The following ZSCAN25 variants were observed in gnomAD, a reference collection of about 807,000 sequenced individuals.
ZSCAN25 encodes the protein zinc finger and SCAN domain containing 25, also known as zinc finger and SCAN domain-containing protein 25.
In ZSCAN25, 27 loss-of-function variants were observed where a neutral mutation model predicts 38.7. The ratio of observed to expected loss-of-function variants is 0.70; its 90% CI spans 0.51 to 0.96. ZSCAN25 has a LOEUF of 0.96. Ranked by LOEUF, ZSCAN25 falls within the 40% of genes least tolerant of loss-of-function variation. The pLI, the probability that ZSCAN25 is intolerant of heterozygous loss-of-function variation, is 0.00. For synonymous variants in ZSCAN25, 273 were observed against 277.7 expected (o/e 0.98, Z 0.17); for missense variants, 637 against 705.9 (o/e 0.90, Z 1.11).
chr7:99,718,287 C>T, the ZSCAN25 span, among the ~76,000 whole-genome samples: 15 of 152,112 alleles, frequency 9.9e-5, no homozygotes, highest in Non-Finnish European at 1.6e-4. Flanking sequence ...GTAGGTAATA[C>T]TTTTAAAACT....
the ZSCAN25 span, among the ~76,000 whole-genome samples, chr7:99,736,046 GA>G: frequency 6.6e-6 from 1 of 152,206 alleles, no homozygotes; most frequent in South Asian, 2.1e-4. Context: ...CCCTAAAAAA[GA>G]GACATGGCAT....
chr7:99,732,605 A>G, the ZSCAN25 span, among the ~76,000 whole-genome samples: 1 of 152,148 alleles, frequency 6.6e-6, no homozygotes, highest in Non-Finnish European at 1.5e-5. Flanking sequence ...GATTCTGGAT[A>G]TCTGAAGACC....
chr7:99,649,287 C>T, the ZSCAN25 span, among the ~76,000 whole-genome samples: 2 of 152,184 alleles, frequency 1.3e-5, no homozygotes, highest in African/African-American at 4.8e-5. Flanking sequence ...CTCCATCCTC[C>T]TCCTCTCCCA....
the ZSCAN25 span, among the ~76,000 whole-genome samples, chr7:99,641,841 C>T: frequency 6.6e-6 from 1 of 152,202 alleles, no homozygotes; most frequent in Non-Finnish European, 1.5e-5. Context: ...CCATCTTCTC[C>T]CTAGACTTTG....
chr7:99,719,467 A>G, the ZSCAN25 span, among the ~76,000 whole-genome samples: 1 of 152,224 alleles, frequency 6.6e-6, no homozygotes, highest in African/African-American at 2.4e-5. Context: ...TTATACAAAA[A>G]ATAACACAAA....
Position 99,629,313 on chromosome 7 carries a change from T to C in ZSCAN25, c.928T>C (p.Cys310Arg). 2 of 1,614,158 alleles carry C rather than the reference T, an allele frequency of 1.2e-6. No homozygotes were observed. Among genetic ancestry groups the C allele is most frequent in the Non-Finnish European group, 1.7e-6 (2 of 1,180,002 alleles). Reference sequence around the variant, plus strand: ...CCAGGGCCCTGGGCTCGGAAGGGTCTGTGAGCAGGAGCCTGGTGGCCCTGC... The same window carrying C: ...CCAGGGCCCTGGGCTCGGAAGGGTCCGTGAGCAGGAGCCTGGTGGCCCTGC... ...SLQGPGLGRVCEQEPGGPAGS... is the reference protein window; with the variant it reads ...SLQGPGLGRVREQEPGGPAGS... Residue 310 changes from cysteine to arginine, a missense_variant, in exon 8 of 8, where the codon TGT (cysteine) becomes CGT (arginine). By Grantham distance (180) the Cys-to-Arg change is radical. Transcript: ENST00000394152. The surrounding 1 kb of genome is among the most constrained non-coding windows in gnomAD (Gnocchi z 5.6).
At chr7:99,645,395 G>A in the ZSCAN25 span, among the ~76,000 whole-genome samples, 2 of 152,026 alleles carry the variant, frequency 1.3e-5, no homozygotes, top group Non-Finnish European at 2.9e-5. Context: ...TCATATCTTT[G>A]CTATTGTGAG....
the ZSCAN25 span, chr7:99,707,932 G>T: frequency 6.2e-7 from 1 of 1,613,858 alleles, no homozygotes; most frequent in Non-Finnish European, 8.5e-7. Flanking sequence ...CAAAGGGTGT[G>T]TATATGTAAG....
At chr7:99,658,154 T>A in the ZSCAN25 span, among the ~76,000 whole-genome samples, 2 of 152,212 alleles carry the variant, frequency 1.3e-5, no homozygotes, top group Admixed American at 1.3e-4. Context: ...TGCTCGTTAG[T>A]TGATGCAGTT....
chr7:99,695,649 C>T, the ZSCAN25 span: 2 of 1,040,466 alleles, frequency 1.9e-6, no homozygotes, highest in Non-Finnish European at 2.9e-6. Flanking sequence ...AGTGTAAAAC[C>T]TCAGACCTTC....
At chr7:99,633,638 T>G (rs1438013343), downstream of ZSCAN25, among the ~76,000 whole-genome samples, 1 of 152,180 alleles carries the variant, frequency 6.6e-6, no homozygotes, top group Non-Finnish European at 1.5e-5. Context: ...CAATTGTAGT[T>G]CACTGCAGCC....
the ZSCAN25 span, chr7:99,717,191 A>G: frequency 5.0e-6 from 8 of 1,613,946 alleles, no homozygotes; most frequent in Non-Finnish European, 5.9e-6. Context: ...TCAAGGTGAC[A>G]GGCTTGCCTG....
At chr7:99,715,716 T>C in the ZSCAN25 span, 1 of 1,613,204 alleles carries the variant, frequency 6.2e-7, no homozygotes, top group South Asian at 1.1e-5. Context: ...AGCAGTTATT[T>C]TTAAGAGAGA....
the ZSCAN25 span, among the ~76,000 whole-genome samples, chr7:99,699,786 A>T: frequency 6.6e-6 from 1 of 152,160 alleles, no homozygotes; most frequent in African/African-American, 2.4e-5. Context: ...ACAAATGCTT[A>T]TTTATTTCTT....
chr7:99,714,760 C>T, the ZSCAN25 span: 2 of 1,577,976 alleles, frequency 1.3e-6, no homozygotes, highest in African/African-American at 1.4e-5. Context: ...CTAATTTTCT[C>T]TACCAATCAG....
the ZSCAN25 span, among the ~76,000 whole-genome samples, chr7:99,723,304 C>A: frequency 3.3e-5 from 5 of 152,146 alleles, no homozygotes; most frequent in Admixed American, 2.0e-4. Context: ...CCCAACTGAT[C>A]GATTGATCGA....
the ZSCAN25 span, among the ~76,000 whole-genome samples, chr7:99,727,227 G>C: frequency 6.6e-6 from 1 of 152,176 alleles, no homozygotes; most frequent in African/African-American, 2.4e-5. Flanking sequence ...ACCGTGCTCT[G>C]TAGCCTTTTT....
intron 6 of ZSCAN25, 115 bp downstream of exon 6, chr7:99,622,755 C>G: frequency 1.1e-6 from 1 of 932,350 alleles, no homozygotes; most frequent in Non-Finnish European, 1.6e-6. Context: ...GAGTCATTCT[C>G]CCTTCCTAGT....
chr7:99,626,808 A>G (rs367673821), intron 7 of ZSCAN25, among the ~76,000 whole-genome samples: 18 of 152,280 alleles, frequency 1.2e-4, no homozygotes, highest in African/African-American at 4.3e-4. Context: ...TGAGTGTACA[A>G]TCCATTTTGA....
Sources: allele counts gnomAD v4.1 joint callset (sites outside exome capture counted in the v4.1 genomes callset), GRCh38; gene constraint gnomAD v4.1.1; non-coding constraint Gnocchi (gnomAD v3.1); transcripts MANE v1.5; gene names NCBI Gene and HGNC (gene_info 2026-07-23, HGNC 2026-07-21).